Variants in CCDC82 observed in about 807,000 individuals in gnomAD.
The protein encoded by CCDC82 is coiled-coil domain containing 82, also known as coiled-coil domain-containing protein 82.
In CCDC82, 47 loss-of-function variants were observed where a neutral mutation model predicts 60.6. The observed-to-expected ratio is 0.77, with a 90% CI of 0.61 to 0.99. The LOEUF is 0.99. CCDC82 is among the 50% of genes least tolerant of loss of function. The pLI is 0.00. For synonymous variants in CCDC82, 212 were observed against 207.4 expected (o/e 1.02, Z -0.19); for missense variants, 588 against 633.0 (o/e 0.93, Z 0.76).
chr11:96,378,038 C>A (rs1201899497), intron 5 of CCDC82, among the ~76,000 whole-genome samples: 1 of 151,910 alleles, frequency 6.6e-6, no homozygotes, highest in Non-Finnish European at 1.5e-5. Flanking sequence ...TGTATTTCTG[C>A]CACTCCCTCC....
At position 96,382,986 on chromosome 11, in the gene CCDC82, GAATT is replaced by G. The variant is rs1363356992; in HGVS notation, c.991+279_991+282del. The G allele has an allele frequency of 1.1e-5, 3 of 269,388 alleles. No individual in the cohort carries two copies. In the East Asian group the frequency reaches 2.0e-4, roughly 18 times the overall value. 16.7% of individuals were successfully genotyped at this position (269,388 alleles called of 1,614,324 possible). A position where few individuals can be genotyped will look rare whatever the true frequency, so the allele number is the denominator to read the frequency against. On this transcript the variant is annotated intron_variant, in intron 5 of 9. Transcript: ENST00000646818. Reference sequence around the variant, plus strand: ...AAATTTACTAAGGATTATTTTAAATGAATTAATAAATATATTTTAAATTTCTGAG... The same window carrying G: ...AAATTTACTAAGGATTATTTTAAATGAATAAATATATTTTAAATTTCTGAG...
intron 7 of CCDC82, among the ~76,000 whole-genome samples, chr11:96,368,873 A>AG (rs1315138575): frequency 6.6e-6 from 1 of 151,610 alleles, no homozygotes; most frequent in Non-Finnish European, 1.5e-5. Context: ...CTCAAAAAAA[A>AG]AAAAAGGCAT....
intron 8 of CCDC82, 100 bp from the exon 9 acceptor site, chr11:96,359,278 C>A: frequency 1.1e-6 from 1 of 886,730 alleles, no homozygotes; most frequent in South Asian, 2.0e-5. Context: ...TTATTAACTT[C>A]CAGTGTTTAC....
At chr11:96,375,161 A>G (rs972845796) in intron 5 of CCDC82, among the ~76,000 whole-genome samples, 2 of 152,340 alleles carry the variant, frequency 1.3e-5, no homozygotes, top group Non-Finnish European at 2.9e-5. Context: ...GTTGAGAAAC[A>G]AATCAAATTC....
At chr11:96,374,027 G>A (rs1865434059) in intron 5 of CCDC82, among the ~76,000 whole-genome samples, 1 of 152,180 alleles carries the variant, frequency 6.6e-6, no homozygotes, top group Non-Finnish European at 1.5e-5. Flanking sequence ...CCACTTCCTC[G>A]CTAACCAAAT....
chr11:96,383,735 T>C (rs1866007759), intron 4 of CCDC82, among the ~76,000 whole-genome samples: 2 of 151,910 alleles, frequency 1.3e-5, no homozygotes, highest in Admixed American at 6.6e-5. Flanking sequence ...AAAGATCATA[T>C]AAAATAACAA....
chr11:96,355,784 GCT>G, intron 9 of CCDC82: 1 of 152,214 alleles, frequency 6.6e-6, no homozygotes, highest in Middle Eastern at 3.4e-3. Context: ...TAAAGATACT[GCT>G]CTCATAATTC....
chr11:96,373,158 C>T (rs1865375583), intron 6 of CCDC82, among the ~76,000 whole-genome samples: 1 of 152,178 alleles, frequency 6.6e-6, no homozygotes, highest in Admixed American at 6.5e-5. Context: ...AAGGACCTGT[C>T]ACAAACTTAC....
chr11:96,362,153 A>G (rs558825184), intron 8 of CCDC82, among the ~76,000 whole-genome samples: 2 of 152,364 alleles, frequency 1.3e-5, no homozygotes, highest in South Asian at 4.1e-4. Context: ...AATTAAATCT[A>G]GATAACAAAC....
chr11:96,352,788 TTTTAC>T lies in CCDC82; in HGVS notation c.*853_*857del, dbSNP rs1178288423. 6.6e-6 allele frequency: 1 copy of T among 152,210 alleles called. No homozygotes were observed. The highest frequency in any genetic ancestry group is 2.4e-5 in the African/African-American group (1 of 41,468). 9.4% of individuals were successfully genotyped at this position (152,210 alleles called of 1,614,324 possible). ...GGTTCATTTGTTCACTCTGCAACCA[TTTTAC>T]TTTATTACTTTATGGGAAAATTTAG... is the stretch of plus-strand genomic sequence containing the variant. On this transcript the variant is annotated 3_prime_UTR_variant, in exon 10 of 10. Coordinates refer to ENST00000646818, the MANE Select transcript of CCDC82 (RefSeq NM_024725.4).
At position 96,366,464 on chromosome 11, in the gene CCDC82, T is replaced by C. The variant is rs1864955181; in HGVS notation, c.1210-1314A>G. On this transcript the variant is annotated intron_variant, in intron 7 of 9. Coordinates refer to ENST00000646818, the MANE Select transcript of CCDC82 (RefSeq NM_024725.4). ...CCCACCACAATATGGTAAAACCTAA[T>C]ATGGCATACAGGCATGGGTTTTGGA... is the stretch of plus-strand genomic sequence containing the variant. Among the ~76,000 whole-genome samples, 4 of 152,324 alleles carry C rather than the reference T, an allele frequency of 2.6e-5. No individual in the cohort carries two copies. In the South Asian group the frequency reaches 6.2e-4, roughly 24 times the overall value.
At chr11:96,380,687 C>T (rs1159529136) in intron 5 of CCDC82, 1 of 151,774 alleles carries the variant, frequency 6.6e-6, no homozygotes, top group Non-Finnish European at 1.5e-5. Context: ...CACATTTAGA[C>T]ATGGAGGAAA....
intron 7 of CCDC82, among the ~76,000 whole-genome samples, chr11:96,366,835 A>G (rs2136111327): frequency 1.3e-5 from 2 of 152,364 alleles, no homozygotes; most frequent in South Asian, 4.1e-4. Context: ...CAGTACAGGT[A>G]TACCTCAGAG....
chr11:96,376,694 C>T (rs1865594887), intron 5 of CCDC82, among the ~76,000 whole-genome samples: 1 of 152,122 alleles, frequency 6.6e-6, no homozygotes, highest in East Asian at 1.9e-4. Flanking sequence ...TCCCAAAATG[C>T]TGGGATTACA....
chr11:96,358,631 G>A (rs1347389572), intron 9 of CCDC82: 1 of 1,238,200 alleles, frequency 8.1e-7, no homozygotes, highest in Non-Finnish European at 1.0e-6. Context: ...TAAAGAATAG[G>A]AAGCAGACAA....
intron 8 of CCDC82, 162 bp downstream of exon 8, chr11:96,364,818 A>G (rs2136102375): frequency 1.8e-6 from 1 of 568,658 alleles, no homozygotes. Context: ...CTCCTATTAG[A>G]TGAACAGCTA....
At chr11:96,373,323 A>G (rs1169220669) in intron 6 of CCDC82, 52 bp downstream of exon 6, 1 of 1,196,270 alleles carries the variant, frequency 8.4e-7, no homozygotes, top group Non-Finnish European at 1.2e-6. Context: ...GGTTGTTTTA[A>G]AATTGGAAAA....
intron 5 of CCDC82, among the ~76,000 whole-genome samples, chr11:96,375,842 A>C (rs1464188016): frequency 6.6e-6 from 1 of 152,218 alleles, no homozygotes; most frequent in East Asian, 1.9e-4. Context: ...CATCTTAAGA[A>C]AAATGGCATT....
chr11:96,380,704 T>G (rs997783391), intron 5 of CCDC82: 1 of 151,766 alleles, frequency 6.6e-6, no homozygotes, highest in Admixed American at 6.6e-5. Flanking sequence ...GAAACCTAAG[T>G]GCATATTATT....
Sources: allele counts gnomAD v4.1 joint callset (sites outside exome capture counted in the v4.1 genomes callset), GRCh38; gene constraint gnomAD v4.1.1; transcripts MANE v1.5; gene names NCBI Gene and HGNC (gene_info 2026-07-23, HGNC 2026-07-21).